Variants in CTBP2 observed in about 807,000 individuals in gnomAD.
The protein encoded by CTBP2 is C-terminal-binding protein 2.
In CTBP2, 30 loss-of-function variants were observed where a neutral mutation model predicts 80.3. That is an observed-to-expected ratio of 0.37 (90% CI 0.28 to 0.51). CTBP2 has a LOEUF of 0.51. Ranked by LOEUF, CTBP2 falls within the 20% of genes least tolerant of loss-of-function variation. CTBP2 has a pLI of 0.93. For synonymous variants in CTBP2, 594 were observed against 587.4 expected (o/e 1.01, Z -0.16); for missense variants, 1,212 against 1,375.3 (o/e 0.88, Z 1.88).
At chr10:125,114,677 C>A (rs1448210259) in intron 1 of CTBP2, among the ~76,000 whole-genome samples, 1 of 152,126 alleles carries the variant, frequency 6.6e-6, no homozygotes, top group East Asian at 1.9e-4. Flanking sequence ...TTGATGGGGG[C>A]GTCTGAGAAA....
chr10:125,105,265 G>A (rs1851276191), intron 2 of CTBP2, among the ~76,000 whole-genome samples: 1 of 152,134 alleles, frequency 6.6e-6, no homozygotes, highest in Non-Finnish European at 1.5e-5. Context: ...CTCCCACCCA[G>A]CTACTCTGGA....
intron 2 of CTBP2, among the ~76,000 whole-genome samples, chr10:125,069,559 T>C (rs996860339): frequency 2.0e-5 from 3 of 152,180 alleles, no homozygotes. Context: ...GCAGAGGTTG[T>C]AGTGAGCCTG....
At chr10:125,131,531 TTCTA>T (rs1222172365) in intron 1 of CTBP2, among the ~76,000 whole-genome samples, 5 of 152,114 alleles carry the variant, frequency 3.3e-5, no homozygotes, top group Admixed American at 1.3e-4. Context: ...CGGCGCTGCT[TTCTA>T]TCTAACCCAA....
chr10:124,995,477 T>C (rs1186973598), intron 4 of CTBP2, among the ~76,000 whole-genome samples: 1 of 152,198 alleles, frequency 6.6e-6, no homozygotes, highest in Non-Finnish European at 1.5e-5. Context: ...ACTGGTTCTC[T>C]TGGAGATCAC....
chr10:125,042,523 C>T (rs557458262), intron 2 of CTBP2, among the ~76,000 whole-genome samples: 1 of 152,332 alleles, frequency 6.6e-6, no homozygotes, highest in East Asian at 1.9e-4. Context: ...TGAAATTGTT[C>T]CTCAAATCAT....
intron 1 of CTBP2, among the ~76,000 whole-genome samples, chr10:125,145,684 T>TCACCAC (rs1160897092): frequency 6.6e-6 from 1 of 152,016 alleles, no homozygotes; most frequent in Non-Finnish European, 1.5e-5. Context: ...CCTACTACTA[T>TCACCAC]CACCACCACC....
intron 1 of CTBP2, among the ~76,000 whole-genome samples, chr10:125,014,144 G>A (rs760858350): frequency 3.3e-5 from 5 of 152,206 alleles, no homozygotes; most frequent in Admixed American, 6.5e-5. Context: ...GACGCCACAG[G>A]ATAGTAACAC....
At chr10:125,016,678 G>A (rs1398696614) in intron 1 of CTBP2, among the ~76,000 whole-genome samples, 2 of 152,352 alleles carry the variant, frequency 1.3e-5, no homozygotes, top group African/African-American at 4.8e-5. Context: ...GGCAGGCCAA[G>A]GGCCAAGAGC....
chr10:125,154,150 A>G (rs957312724), intron 1 of CTBP2, among the ~76,000 whole-genome samples: 1 of 152,366 alleles, frequency 6.6e-6, no homozygotes, highest in African/African-American at 2.4e-5. Context: ...AGAGCTTTGG[A>G]GGAAGCACAA....
intron 1 of CTBP2, among the ~76,000 whole-genome samples, chr10:125,127,387 C>A (rs1370692097): frequency 1.3e-5 from 2 of 152,214 alleles, no homozygotes; most frequent in African/African-American, 4.8e-5. Context: ...GCTGGCAGGT[C>A]ACCGGGGCTA....
Position 125,109,620 on chromosome 10 carries a change from C to T in CTBP2, c.-102+1370G>A, listed in dbSNP as rs145995960. 2.6e-4 allele frequency among the ~76,000 whole-genome samples: 39 copies of T among 152,336 alleles called. 1 individual carries two copies. The highest frequency in any genetic ancestry group is 8.9e-4 in the African/African-American group (37 of 41,578). Reference sequence around the variant, plus strand: ...CCTCATCCTCCTCAATGCTAAGAGCCTTAAGTGTTCAAAGATGACTGAGGG... The same window carrying T: ...CCTCATCCTCCTCAATGCTAAGAGCTTTAAGTGTTCAAAGATGACTGAGGG... On this transcript the variant is annotated intron_variant, in intron 2 of 10. Transcript: ENST00000337195.
intron 1 of CTBP2, among the ~76,000 whole-genome samples, chr10:125,129,133 G>C (rs1425709333): frequency 6.6e-6 from 1 of 152,146 alleles, no homozygotes; most frequent in African/African-American, 2.4e-5. Flanking sequence ...GTACATACAT[G>C]TATTATGTAG....
chr10:125,129,430 T>C (rs1025352640), intron 1 of CTBP2, among the ~76,000 whole-genome samples: 1 of 152,128 alleles, frequency 6.6e-6, no homozygotes, highest in African/African-American at 2.4e-5. Context: ...CTCTAAGTTT[T>C]ACCTCAAAGA....
At chr10:125,035,472 C>A (rs750284432) in intron 3 of CTBP2, among the ~76,000 whole-genome samples, 1 of 152,186 alleles carries the variant, frequency 6.6e-6, no homozygotes, top group African/African-American at 2.4e-5. Flanking sequence ...CTAACACATT[C>A]GAACAAAACG....
At chr10:125,013,049 A>G (rs1956105121) in intron 1 of CTBP2, among the ~76,000 whole-genome samples, 1 of 152,122 alleles carries the variant, frequency 6.6e-6, no homozygotes, top group Non-Finnish European at 1.5e-5. Context: ...AAAGAATGCT[A>G]TGACTATGGC....
chr10:125,134,891 TG>T (rs1856744572), intron 1 of CTBP2, among the ~76,000 whole-genome samples: 1 of 66,742 alleles, frequency 1.5e-5, no homozygotes, highest in African/African-American at 3.9e-5. Context: ...TCCTGCCCCC[TG>T]CCCCCTGCCC....
At chr10:125,006,619 G>A (rs1320564945) in intron 1 of CTBP2, among the ~76,000 whole-genome samples, 1 of 152,232 alleles carries the variant, frequency 6.6e-6, no homozygotes, top group Admixed American at 6.5e-5. Context: ...AGATGAAGGT[G>A]CAAACAGATC....
chr10:125,034,860 C>T (rs1479333905), intron 3 of CTBP2, among the ~76,000 whole-genome samples: 1 of 152,174 alleles, frequency 6.6e-6, no homozygotes, highest in African/African-American at 2.4e-5. Flanking sequence ...GAAAGTCACT[C>T]TCTCATCCTG....
rs148723642 is a variant in CTBP2, at chr10:125,128,077, T to G, written c.-205-16984A>C. 1.6e-4 allele frequency among the ~76,000 whole-genome samples: 24 copies of G among 152,274 alleles called. No individual in the cohort carries two copies. In the East Asian group the frequency reaches 4.6e-3, roughly 29 times the overall value. ...GCTGGCTGCAGCTTCCTGAGGCCCA[T>G]GAGGCTAGCACACCCAGATGCCGGG... On this transcript the variant is annotated intron_variant, in intron 1 of 10. Coordinates refer to the CTBP2 transcript ENST00000337195.
Sources: gnomAD v4.1 joint callset for allele counts (sites outside exome capture counted in the v4.1 genomes callset) on GRCh38, gnomAD v4.1.1 for gene constraint, MANE v1.5 for transcripts, NCBI Gene and HGNC (gene_info 2026-07-23, HGNC 2026-07-21) for gene names.